Variants in KIF18A observed in about 807,000 individuals in gnomAD.
KIF18A encodes the protein kinesin-like protein KIF18A.
A neutral mutation model predicts 103.3 loss-of-function variants in KIF18A; 67 were observed. The observed-to-expected ratio is 0.65, with a 90% CI of 0.53 to 0.79. The LOEUF is 0.79. Ranked by LOEUF, KIF18A falls within the 30% of genes least tolerant of loss-of-function variation. The probability of loss-of-function intolerance (pLI) is 0.00; values close to 1 mark genes in which losing one functional copy is unlikely to be tolerated. For missense variants in KIF18A, 1,032 were observed against 1,062.5 expected, an observed-to-expected ratio of 0.97 and a Z score of 0.40; for synonymous variants, 367 against 355.5, an observed-to-expected ratio of 1.03 and a Z score of -0.36.
chr11:28,062,246 ACT>A, intron 12 of KIF18A, 147 bp downstream of exon 12: 2 of 596,576 alleles, frequency 3.4e-6, no homozygotes, highest in African/African-American at 1.9e-5. Context: ...GAAGGAAATA[ACT>A]CTCTTAATGT....
At chr11:28,026,208 G>A (rs1366182525) in intron 15 of KIF18A, among the ~76,000 whole-genome samples, 1 of 151,620 alleles carries the variant, frequency 6.6e-6, no homozygotes, top group Non-Finnish European at 1.5e-5. Flanking sequence ...AAATCTGTTG[G>A]GTAGGTTTTG....
intron 15 of KIF18A, among the ~76,000 whole-genome samples, chr11:28,029,101 C>T (rs1463295305): frequency 1.3e-5 from 2 of 152,098 alleles, no homozygotes; most frequent in Non-Finnish European, 2.9e-5. Flanking sequence ...ACCAGAGGTA[C>T]AAAGAGGAGC....
chr11:28,030,324 A>G (rs1211387977), intron 15 of KIF18A, among the ~76,000 whole-genome samples: 4 of 152,040 alleles, frequency 2.6e-5, no homozygotes, highest in African/African-American at 9.7e-5. Context: ...TACTGGTACC[A>G]AAACAGAGAT....
intron 1 of KIF18A, among the ~76,000 whole-genome samples, chr11:28,104,772 C>T (rs950067793): frequency 6.6e-6 from 1 of 152,114 alleles, no homozygotes; most frequent in Non-Finnish European, 1.5e-5. Flanking sequence ...CCAATAAATA[C>T]TTGTTGAATA....
At chr11:28,062,315 C>G in intron 12 of KIF18A, 80 bp downstream of exon 12, 2 of 1,322,072 alleles carry the variant, frequency 1.5e-6, no homozygotes, top group Non-Finnish European at 2.0e-6. Flanking sequence ...TAAAACTCAA[C>G]TTTCTGGCAG....
chr11:28,101,513 G>T (rs557741066), intron 1 of KIF18A, among the ~76,000 whole-genome samples: 1 of 152,042 alleles, frequency 6.6e-6, no homozygotes, highest in Non-Finnish European at 1.5e-5. Flanking sequence ...GCTCTATGAC[G>T]TACTGACTGT....
At chr11:28,066,254 A>G (rs1331711423) in intron 11 of KIF18A, among the ~76,000 whole-genome samples, 1 of 152,092 alleles carries the variant, frequency 6.6e-6, no homozygotes, top group Non-Finnish European at 1.5e-5. Context: ...TACTGTCAAC[A>G]TTCCACACCT....
At chr11:28,090,868 G>T in intron 4 of KIF18A, 141 bp from the exon 5 acceptor site, 1 of 597,376 alleles carries the variant, frequency 1.7e-6, no homozygotes, top group South Asian at 2.2e-5. Flanking sequence ...TACTAACTTT[G>T]TCTCATCTGC....
rs145665161 is a variant in KIF18A, at chr11:28,036,753, A to G, written c.1949-89T>C. On this transcript the variant is annotated intron_variant, in intron 13 of 16. Coordinates refer to ENST00000263181, the MANE Select transcript of KIF18A (RefSeq NM_031217.4). The stretch of plus-strand genomic sequence containing the variant: ...ACTTTTAAAACTAAGAAACCCTAAT[A>G]ATAAGGTATTTTTATGCCAATTGAT... 1.3e-4 allele frequency: 95 copies of G among 735,952 alleles called. No homozygotes were observed. The East Asian group carries it at 2.6e-3, about 20-fold the overall frequency. The allele number at this position is 735,952 out of a possible 1,614,324, so 45.6% of individuals were successfully genotyped here. A position where few individuals can be genotyped will look rare whatever the true frequency, so the allele number is the denominator to read the frequency against.
intron 10 of KIF18A, among the ~76,000 whole-genome samples, chr11:28,074,244 A>G (rs944158120): frequency 2.0e-5 from 3 of 152,106 alleles, no homozygotes; most frequent in African/African-American, 7.2e-5. Context: ...ATATGGTACT[A>G]TTCCAGAATT....
intron 15 of KIF18A, among the ~76,000 whole-genome samples, chr11:28,034,488 G>A (rs1300971207): frequency 2.0e-5 from 3 of 151,636 alleles, no homozygotes; most frequent in African/African-American, 7.3e-5. Context: ...GTTTAACAGG[G>A]TCTTTTCTTC....
chr11:28,047,810 C>T (rs1298544089), intron 13 of KIF18A, among the ~76,000 whole-genome samples: 4 of 152,054 alleles, frequency 2.6e-5, no homozygotes, highest in East Asian at 1.9e-4. Flanking sequence ...AAATGAAATG[C>T]TATTTCCTAT....
rs773129018 is a variant in KIF18A, at chr11:28,084,739, T to G, written c.967A>C (p.Asn323His). The G allele has an allele frequency of 3.1e-6, 5 of 1,612,478 alleles. No individual in the cohort carries two copies. Among genetic ancestry groups the G allele is most frequent in the Non-Finnish European group, 4.2e-6 (5 of 1,178,542 alleles). ...TRLLKDSLGG[N>H]CQTIMIAAVS... ...GCAGCTATCATTATAGTTTGACAGT[T>G]TCCTCCAAGAGAATCCTTTAACAAG... The change falls in exon 7 of 17, where the codon AAC becomes CAC. Residue 323 changes from asparagine to histidine, a missense_variant. Physicochemically the swap from Asn to His is moderately conservative, Grantham distance 68. Coordinates refer to ENST00000263181, the MANE Select transcript of KIF18A (RefSeq NM_031217.4).
intron 15 of KIF18A, among the ~76,000 whole-genome samples, chr11:28,032,143 A>C (rs1002490052): frequency 2.0e-5 from 3 of 151,848 alleles, no homozygotes; most frequent in Non-Finnish European, 4.4e-5. Context: ...AGCTAAAAAT[A>C]AAATAAGTAG....
chr11:28,023,339 A>T (rs1850269944), intron 16 of KIF18A, among the ~76,000 whole-genome samples: 1 of 152,218 alleles, frequency 6.6e-6, no homozygotes, highest in African/African-American at 2.4e-5. Flanking sequence ...ATTGAGTTAG[A>T]GGCCAAATTA....
At chr11:28,042,507 C>T (rs1427311851) in intron 13 of KIF18A, among the ~76,000 whole-genome samples, 1 of 151,890 alleles carries the variant, frequency 6.6e-6, no homozygotes, top group Non-Finnish European at 1.5e-5. Context: ...GGAGCCAATG[C>T]ATTTTGATCC....
In KIF18A at chr11:28,062,494, CA is replaced by C; in HGVS notation, c.1612del (p.Cys538ValfsTer11). On this transcript the variant is annotated frameshift_variant, in exon 12 of 17. Transcript: ENST00000263181. LOFTEE classifies it high-confidence loss of function. Reference sequence around the variant, plus strand: ...TTTGTTCTGGAGGTGCAAATGGTGACAATGAAGATCTTTCTTGAGTTCCTAG... The same window carrying C: ...TTTGTTCTGGAGGTGCAAATGGTGACATGAAGATCTTTCTTGAGTTCCTAG... ...IPKELKKDLH[C>X]HHLHLQNKDL... is the part of the protein sequence containing the mutation. 6.2e-7 allele frequency: 1 copy of C among 1,610,510 alleles called. No individual in the cohort carries two copies.
chr11:28,045,332 TC>T (rs1337833466), intron 13 of KIF18A, among the ~76,000 whole-genome samples: 1 of 151,712 alleles, frequency 6.6e-6, no homozygotes, highest in Non-Finnish European at 1.5e-5. Context: ...ATTTCAATTC[TC>T]CAGGAAGTCT....
At position 28,058,968 on chromosome 11, in the gene KIF18A, T is replaced by C. The variant is rs555744181; in HGVS notation, c.1906A>G (p.Met636Val). 5 of 1,614,104 alleles carry C rather than the reference T, an allele frequency of 3.1e-6. No individual in the cohort carries two copies. The East Asian group carries it at 1.1e-4, about 36-fold the overall frequency. ...ACTGGTCCAAGTTGTGGAAAGGTCA[T>C]AAGAACAGAAATCCCTGGTAGATCG... ...QNDLPGISVL[M>V]TFPQLGPVQP... is the part of the protein sequence containing the mutation. Residue 636 changes from methionine to valine, a missense_variant, in exon 13 of 17, where the codon ATG becomes GTG. Met to Val is a conservative substitution (Grantham distance 21, BLOSUM62 1). Transcript: ENST00000263181.
Sources: gnomAD v4.1 joint callset for allele counts (sites outside exome capture counted in the v4.1 genomes callset) on GRCh38, gnomAD v4.1.1 for gene constraint, MANE v1.5 for transcripts, NCBI Gene and HGNC (gene_info 2026-07-23, HGNC 2026-07-21) for gene names.